LMTK2: variants seen among roughly 807,000 people sequenced by gnomAD.
The protein encoded by LMTK2 is lemur tail kinase 2, also known as serine/threonine-protein kinase LMTK2.
In LMTK2, 37 loss-of-function variants were observed where a neutral mutation model predicts 127.5. That is an observed-to-expected ratio of 0.29 (90% CI 0.22 to 0.38). The LOEUF (loss-of-function observed/expected upper bound fraction) is 0.38. LMTK2 is among the 10% of genes least tolerant of loss of function. The pLI, the probability that LMTK2 is intolerant of heterozygous loss-of-function variation, is 1.00. For synonymous variants in LMTK2, 819 were observed against 810.1 expected, an observed-to-expected ratio of 1.01 and a Z score of -0.19; for missense variants, 1,694 against 1,920.3, an observed-to-expected ratio of 0.88 and a Z score of 2.20.
intron 7 of LMTK2, among the ~76,000 whole-genome samples, chr7:98,176,850 A>G (rs756114798): frequency 2.6e-5 from 4 of 152,206 alleles, no homozygotes; most frequent in Non-Finnish European, 5.9e-5. Context: ...CCATCTCAAT[A>G]ATAATAATGA....
At chr7:98,114,833 G>GT (rs1202265155) in intron 1 of LMTK2, among the ~76,000 whole-genome samples, 2 of 152,066 alleles carry the variant, frequency 1.3e-5, no homozygotes, top group Non-Finnish European at 2.9e-5. Flanking sequence ...TCCTGCTTCT[G>GT]TAAGTGCTGC....
At chr7:98,144,465 T>C (rs1003727351) in intron 3 of LMTK2, among the ~76,000 whole-genome samples, 9 of 151,472 alleles carry the variant, frequency 5.9e-5, no homozygotes, top group Non-Finnish European at 1.2e-4. Context: ...AATATATATA[T>C]ATTGAAAAGT....
At position 98,190,753 on chromosome 7, in the gene LMTK2, C is replaced by A; in HGVS notation, c.1024C>A (p.Leu342Ile). ...GTCTCTGGGTGTGACACTTTGGGAG[C>A]TTTTTGACAATGCCGCACAGCCGTA... ...IWSLGVTLWE[L>I]FDNAAQPYSN... Residue 342 changes from leucine to isoleucine, a missense_variant, in exon 10 of 14, where the codon CTT becomes ATT. By Grantham distance (5) the Leu-to-Ile change is conservative. This residue lies in a region of LMTK2 where 47 missense variants were observed against 95.4 expected (regional missense o/e 0.49). Coordinates refer to ENST00000297293, the MANE Select transcript of LMTK2 (RefSeq NM_014916.4). The A allele has an allele frequency of 6.2e-7, 1 of 1,614,090 alleles. No individual in the cohort carries two copies. The highest frequency in any genetic ancestry group is 8.5e-7 in the Non-Finnish European group (1 of 1,180,022).
rs561194894 is a variant in LMTK2, at chr7:98,185,064, C to T, written c.805C>T (p.Arg269Trp). 2 of 1,611,332 alleles carry T rather than the reference C, an allele frequency of 1.2e-6. No individual in the cohort carries two copies. The highest frequency in any genetic ancestry group is 1.7e-6 in the Non-Finnish European group (2 of 1,177,746). Residue 269 changes from arginine to tryptophan, a missense_variant, in exon 8 of 14, where the codon CGG (arginine) becomes TGG (tryptophan). By Grantham distance (101) the Arg-to-Trp change is moderately radical. Around this residue, in one of 8 missense-constraint regions of LMTK2, gnomAD observed 47 missense variants for 95.4 expected, o/e 0.49. Transcript: ENST00000297293. ...CTCTGTTTTCAGTGATTTAGCCCTG[C>T]GGAATTGTTTTCTCACCTCCGACTT... is the stretch of plus-strand genomic sequence containing the variant. ...LHFLHSDLAL[R>W]NCFLTSDLNV...
intron 1 of LMTK2, among the ~76,000 whole-genome samples, chr7:98,117,217 G>A (rs114043043): frequency 0.014 from 2,180 of 152,290 alleles, 52 homozygotes; most frequent in African/African-American, 0.05. Context: ...GAGTTCTGTT[G>A]AAGAGACTCG....
intron 3 of LMTK2, among the ~76,000 whole-genome samples, chr7:98,143,136 C>A (rs924891392): frequency 6.6e-6 from 1 of 152,162 alleles, no homozygotes; most frequent in African/African-American, 2.4e-5. Context: ...GTGACCTGGG[C>A]AGCCATTGTA....
Position 98,190,368 on chromosome 7 carries a change from G to C in LMTK2, c.999-360G>C, listed in dbSNP as rs186475296. Among the ~76,000 whole-genome samples, 482 of 152,304 alleles carry C rather than the reference G, an allele frequency of 3.2e-3. 2 individuals are homozygous for C. The highest frequency in any genetic ancestry group is 5.2e-3 in the Non-Finnish European group (354 of 68,036). On this transcript the variant is annotated intron_variant, in intron 9 of 13. Coordinates refer to ENST00000297293, the MANE Select transcript of LMTK2 (RefSeq NM_014916.4). ...AGGCCAAGGCAGGTGGATCACCTGA[G>C]GTCAGGACTTTGAGAGCAGCCTGGC...
intron 1 of LMTK2, among the ~76,000 whole-genome samples, chr7:98,131,055 G>C (rs1796513358): frequency 6.6e-6 from 1 of 152,172 alleles, no homozygotes; most frequent in Non-Finnish European, 1.5e-5. Flanking sequence ...TGAATTAGCT[G>C]CAGCCCATCT....
intron 6 of LMTK2, among the ~76,000 whole-genome samples, chr7:98,165,945 G>A (rs547239907): frequency 6.6e-6 from 1 of 152,218 alleles, no homozygotes; most frequent in Admixed American, 6.5e-5. Flanking sequence ...CGCATGGGTT[G>A]AGGTGTGGGG....
chr7:98,113,211 T>C (rs1393526342), intron 1 of LMTK2, among the ~76,000 whole-genome samples: 4 of 152,192 alleles, frequency 2.6e-5, no homozygotes, highest in Non-Finnish European at 4.4e-5. Flanking sequence ...CTTGTGATAG[T>C]GAATGAGTTC....
rs765017832 is a variant in LMTK2, at chr7:98,193,041, G to T, written c.2576G>T (p.Ser859Ile). 4 of 1,613,872 alleles carry T rather than the reference G, an allele frequency of 2.5e-6. No individual in the cohort carries two copies. The African/African-American group carries it at 4.0e-5, about 16-fold the overall frequency. Residue 859 changes from serine (S) to isoleucine (I), a missense_variant, in exon 11 of 14, where the codon AGT (serine) becomes ATT (isoleucine). Around this residue, in one of 8 missense-constraint regions of LMTK2, gnomAD observed 527 missense variants for 539.8 expected, o/e 0.98. Coordinates refer to ENST00000297293, the MANE Select transcript of LMTK2 (RefSeq NM_014916.4). This position sits in a 1 kb window ranked among gnomAD's most constrained non-coding sequence, Gnocchi z 4.1. ...GAGGACTGTCTCCACCAGGACATCA[G>T]TCCAGACGCTGTGACTGTCCCGGTT... Reference protein sequence around the residue: ...VPEDCLHQDISPDAVTVPVEI... With the variant: ...VPEDCLHQDIIPDAVTVPVEI...
At chr7:98,137,168 T>TA (rs1395749347) in intron 1 of LMTK2, 147 bp from the exon 2 acceptor site, 1 of 690,616 alleles carries the variant, frequency 1.4e-6, no homozygotes, top group African/African-American at 1.8e-5. Context: ...AGCAGCTTCT[T>TA]ATCCTGGATG....
intron 1 of LMTK2, among the ~76,000 whole-genome samples, chr7:98,114,158 GGGT>G (rs1220841114): frequency 1.3e-5 from 2 of 152,028 alleles, no homozygotes; most frequent in Non-Finnish European, 2.9e-5. Flanking sequence ...TGGTAGGAGG[GGGT>G]GGTGGTGGTA....
rs1481770202 is a variant in LMTK2 at position 98,209,219 on chromosome 7, G to A, written c.*3727G>A. On this transcript the variant is annotated 3_prime_UTR_variant, in exon 14 of 14. Coordinates refer to ENST00000297293, the MANE Select transcript of LMTK2 (RefSeq NM_014916.4). ...GTTGGCTCAAGTCTTTATTAACAAAGAACATTCTCTTTCATCTATAAAGAA... is the reference window on the plus strand; with the variant it reads ...GTTGGCTCAAGTCTTTATTAACAAAAAACATTCTCTTTCATCTATAAAGAA... 6.6e-6 allele frequency: 1 copy of A among 152,206 alleles called. No individual in the cohort carries two copies. Among genetic ancestry groups the A allele is most frequent in the Non-Finnish European group, 1.5e-5 (1 of 68,030 alleles). The allele number at this position is 152,206 out of a possible 1,614,324, so 9.4% of individuals were successfully genotyped here.
chr7:98,134,494 A>G (rs1185718309), intron 1 of LMTK2, among the ~76,000 whole-genome samples: 1 of 152,166 alleles, frequency 6.6e-6, no homozygotes, highest in East Asian at 1.9e-4. Flanking sequence ...TATTATGTGC[A>G]TCGGGAGTGA....
intron 1 of LMTK2, among the ~76,000 whole-genome samples, chr7:98,124,798 A>G (rs1216897877): frequency 7.2e-5 from 11 of 152,130 alleles, no homozygotes; most frequent in Non-Finnish European, 1.6e-4. Context: ...AAAAAAAATA[A>G]TAATAACATA....
chr7:98,135,704 G>T (rs546230843), intron 1 of LMTK2, among the ~76,000 whole-genome samples: 22 of 152,176 alleles, frequency 1.4e-4, no homozygotes, highest in Non-Finnish European at 2.2e-4. Context: ...ACAAAGAAAA[G>T]GTTCACAACT....
At chr7:98,127,606 T>C (rs1796461612) in intron 1 of LMTK2, among the ~76,000 whole-genome samples, 2 of 152,322 alleles carry the variant, frequency 1.3e-5, no homozygotes, top group South Asian at 2.1e-4. Flanking sequence ...CTCATGCCTG[T>C]GTCTGTGCTG....
At chr7:98,196,172 G>C (rs1797619550) in intron 11 of LMTK2, among the ~76,000 whole-genome samples, 1 of 151,024 alleles carries the variant, frequency 6.6e-6, no homozygotes, top group South Asian at 2.1e-4. Context: ...CTGGGTGACA[G>C]AGTGAGACCT....
Sources: allele counts gnomAD v4.1 joint callset (sites outside exome capture counted in the v4.1 genomes callset), GRCh38; gene constraint gnomAD v4.1.1; regional missense constraint gnomAD v4.1.1; non-coding constraint Gnocchi (gnomAD v3.1); transcripts MANE v1.5; gene names NCBI Gene and HGNC (gene_info 2026-07-23, HGNC 2026-07-21).